Variants in MINK1 observed in about 807,000 individuals in gnomAD.
The protein encoded by MINK1 is misshapen-like kinase 1.
MINK1 carries 46 observed loss-of-function variants against 178.4 expected under a neutral mutation model. The ratio of observed to expected loss-of-function variants is 0.26; its 90% confidence interval spans 0.20 to 0.33. MINK1 has a LOEUF of 0.33. Ranked by LOEUF, MINK1 falls within the 10% of genes least tolerant of loss-of-function variation. The probability of loss-of-function intolerance (pLI) is 1.00; values close to 1 mark genes in which losing one functional copy is unlikely to be tolerated. For synonymous variants in MINK1, 797 were observed against 709.7 expected (o/e 1.12, Z -1.96); for missense variants, 1,366 against 1,814.9 (o/e 0.75, Z 4.49).
intron 1 of MINK1, chr17:4,861,595 G>C: frequency 4.6e-6 from 1 of 215,398 alleles, no homozygotes; most frequent in South Asian, 4.3e-5. Context: ...CCGCCTCCTG[G>C]GTTCAAGCGA....
At chr17:4,889,605 ATG>A in intron 12 of MINK1, 40 bp from the exon 13 acceptor site, 1 of 1,508,516 alleles carries the variant, frequency 6.6e-7, no homozygotes. Context: ...TGCTGACGCG[ATG>A]TCCGGTATGG....
intron 1 of MINK1, chr17:4,844,727 C>T: frequency 3.1e-6 from 1 of 319,796 alleles, no homozygotes; most frequent in Non-Finnish European, 6.1e-6. Flanking sequence ...CAGAAGACTT[C>T]AGAATATTTG....
chr17:4,895,949 C>T lies in MINK1; in HGVS notation c.3365-54C>T, dbSNP rs1030572587. 1.6e-5 allele frequency: 25 copies of T among 1,564,326 alleles called. No individual in the cohort carries two copies. The East Asian group carries it at 1.9e-4, about 12-fold the overall frequency. ...AGTGTAGTGACAGACCACGGGGAGG[C>T]GCCCGTGGCGCAAGAAGGGAAGTCT... On this transcript the variant is annotated intron_variant, in intron 27 of 31. Coordinates refer to ENST00000355280, the MANE Select transcript of MINK1 (RefSeq NM_153827.5). The surrounding 1 kb of genome is among the most constrained non-coding windows in gnomAD (Gnocchi z 4.3).
Position 4,895,341 on chromosome 17 carries a change from C to A in MINK1, c.3086-9C>A. 2 of 1,603,132 alleles carry A rather than the reference C, an allele frequency of 1.2e-6. No homozygotes were observed. The highest frequency in any genetic ancestry group is 1.1e-5 in the South Asian group (1 of 89,500). On this transcript the variant is annotated splice_polypyrimidine_tract_variant and intron_variant, in intron 25 of 31. Transcript: ENST00000355280. This position sits in a 1 kb window ranked among gnomAD's most constrained non-coding sequence, Gnocchi z 4.3. ...GAGCCTCTGACCTGCCCAAGGGCTC[C>A]TGTTGCAGGGGTCAACCTGCTGGTG...
chr17:4,846,249 A>G (rs917381615), intron 1 of MINK1, among the ~76,000 whole-genome samples: 1 of 152,204 alleles, frequency 6.6e-6, no homozygotes. Context: ...GTTTCCTCAC[A>G]ATAGTGTCAG....
intron 20 of MINK1, 90 bp from the exon 21 acceptor site, chr17:4,893,344 C>G (rs1254578214): frequency 6.2e-7 from 1 of 1,613,304 alleles, no homozygotes; most frequent in Non-Finnish European, 8.5e-7. Context: ...GGAGCCCCTC[C>G]TGTCGCCCTG....
rs2151070804 is a variant in MINK1 at position 4,895,031 on chromosome 17, G to A, written c.2918-44G>A. The A allele has an allele frequency of 1.9e-6, 3 of 1,603,374 alleles. No homozygotes were observed. The highest frequency in any genetic ancestry group is 2.6e-6 in the Non-Finnish European group (3 of 1,173,570). On this transcript the variant is annotated intron_variant, in intron 24 of 31. Transcript: ENST00000355280. This position sits in a 1 kb window ranked among gnomAD's most constrained non-coding sequence, Gnocchi z 4.3. ...GGATGGAGGTAAAAAGAGATGGGGTGAGAAGCTGCAGCCCCTCCTCCCACC... is the reference window on the plus strand; with the variant it reads ...GGATGGAGGTAAAAAGAGATGGGGTAAGAAGCTGCAGCCCCTCCTCCCACC...
intron 1 of MINK1, chr17:4,850,979 G>A (rs527785240): frequency 2.2e-6 from 1 of 457,936 alleles, no homozygotes; most frequent in South Asian, 1.6e-5. Flanking sequence ...CCAGGGACTG[G>A]CCCTCCTCCC....
At chr17:4,871,746 C>G (rs1359246446) in intron 1 of MINK1, among the ~76,000 whole-genome samples, 1 of 152,154 alleles carries the variant, frequency 6.6e-6, no homozygotes, top group Non-Finnish European at 1.5e-5. Flanking sequence ...GAGGAACTGC[C>G]AAACTGTTTT....
chr17:4,849,322 C>CA (rs1911553771), intron 1 of MINK1, among the ~76,000 whole-genome samples: 1 of 152,184 alleles, frequency 6.6e-6, no homozygotes, highest in African/African-American at 2.4e-5. Context: ...AAGCATTCAG[C>CA]CTGAGGGGAA....
intron 4 of MINK1, among the ~76,000 whole-genome samples, chr17:4,882,137 G>A (rs892202136): frequency 3.3e-5 from 5 of 149,784 alleles, no homozygotes; most frequent in African/African-American, 1.2e-4. Flanking sequence ...GGTGGAGATC[G>A]CGGCAGGCTA....
chr17:4,857,046 T>TC (rs1302488970), intron 1 of MINK1: 10 of 187,176 alleles, frequency 5.3e-5, no homozygotes, highest in Non-Finnish European at 1.0e-4. Context: ...CTTGCCAGTG[T>TC]CCCCCACGAT....
intron 1 of MINK1, among the ~76,000 whole-genome samples, chr17:4,874,859 C>T (rs1173870643): frequency 3.3e-5 from 5 of 152,218 alleles, no homozygotes; most frequent in African/African-American, 1.2e-4. Context: ...ATATTCCTTC[C>T]TCCCTCAGTG....
At chr17:4,841,948 A>G (rs949875956) in intron 1 of MINK1, among the ~76,000 whole-genome samples, 3 of 151,998 alleles carry the variant, frequency 2.0e-5, no homozygotes, top group Admixed American at 6.6e-5. Flanking sequence ...AGCACCGGGC[A>G]CGGTGGCTCA....
At chr17:4,864,297 G>T (rs1914611724) in intron 1 of MINK1, among the ~76,000 whole-genome samples, 1 of 151,968 alleles carries the variant, frequency 6.6e-6, no homozygotes, top group Non-Finnish European at 1.5e-5. Flanking sequence ...TACTCGGGAG[G>T]CTGAGGCAGG....
At position 4,885,940 on chromosome 17, in the gene MINK1, C is replaced by T; in HGVS notation, c.669C>T (p.Ala223=). The change falls in exon 8 of 32, where the codon GCC becomes GCT. Residue 223 remains alanine (A), a synonymous_variant. Coordinates refer to ENST00000355280, the MANE Select transcript of MINK1 (RefSeq NM_153827.5). This position sits in a 1 kb window ranked among gnomAD's most constrained non-coding sequence, Gnocchi z 5.0. The part of the protein sequence containing the change: ...RSDIWSLGIT[A]IEMAEGAPPL... ...ATATTTGGTCTCTAGGAATCACAGC[C>T]ATCGAGATGGCAGAGGGAGCCCCCC... is the stretch of plus-strand genomic sequence containing the variant. 3.1e-6 allele frequency: 5 copies of T among 1,613,906 alleles called. No individual in the cohort carries two copies. The highest frequency in any genetic ancestry group is 4.2e-6 in the Non-Finnish European group (5 of 1,179,854).
At chr17:4,847,366 G>A (rs956237266) in intron 1 of MINK1, among the ~76,000 whole-genome samples, 1 of 152,170 alleles carries the variant, frequency 6.6e-6, no homozygotes, top group Non-Finnish European at 1.5e-5. Flanking sequence ...AGCCTCTAGC[G>A]TAGCTGAGAT....
chr17:4,885,336 G>A lies in MINK1; in HGVS notation c.509-147G>A, dbSNP rs1226439697. On this transcript the variant is annotated intron_variant, in intron 6 of 31. Coordinates refer to ENST00000355280, the MANE Select transcript of MINK1 (RefSeq NM_153827.5). The surrounding 1 kb of genome is among the most constrained non-coding windows in gnomAD (Gnocchi z 5.0). ...AGATGGAATCGGGTTCTTCAGGATG[G>A]TGGTGGGGTAAAGGAGGGTGCTGGG... 16 of 1,034,070 alleles carry A rather than the reference G, an allele frequency of 1.5e-5. No individual in the cohort carries two copies. Among genetic ancestry groups the A allele is most frequent in the Admixed American group, 2.5e-5 (1 of 40,550 alleles). The allele number at this position is 1,034,070 out of a possible 1,614,324, so 64.1% of individuals were successfully genotyped here.
Position 4,889,781 on chromosome 17 carries a change from C to T in MINK1, c.1347+18C>T. The stretch of plus-strand genomic sequence containing the variant: ...GCGAGCAGGTAGAGCGCCGCACCCG[C>T]ATCCCTGCCCTCCCGCCCTCCCGCT... On this transcript the variant is annotated intron_variant, in intron 13 of 31. Coordinates refer to ENST00000355280, the MANE Select transcript of MINK1 (RefSeq NM_153827.5). 6.7e-7 allele frequency: 1 copy of T among 1,502,634 alleles called. No homozygotes were observed. Among genetic ancestry groups the T allele is most frequent in the South Asian group, 1.3e-5 (1 of 79,442 alleles). 93.1% of individuals were successfully genotyped at this position (1,502,634 alleles called of 1,614,324 possible). A position where few individuals can be genotyped will look rare whatever the true frequency, so the allele number is the denominator to read the frequency against.
Sources: gnomAD v4.1 joint callset for allele counts (sites outside exome capture counted in the v4.1 genomes callset) on GRCh38, gnomAD v4.1.1 for gene constraint, Gnocchi (gnomAD v3.1) non-coding constraint, MANE v1.5 for transcripts, NCBI Gene and HGNC (gene_info 2026-07-23, HGNC 2026-07-21) for gene names.